LGR5: variants seen among roughly 807,000 people sequenced by gnomAD.
The protein encoded by LGR5 is leucine rich repeat containing G protein-coupled receptor 5, also known as leucine-rich repeat-containing G protein-coupled receptor 5.
Under a neutral mutation model 76.7 loss-of-function variants are expected in LGR5, and 54 were observed. The ratio of observed to expected loss-of-function variants is 0.70; its 90% CI spans 0.57 to 0.88. The LOEUF (loss-of-function observed/expected upper bound fraction) is 0.88, where lower values mean the gene tolerates loss of function less well. LGR5 is among the 40% of genes least tolerant of loss of function. The probability of loss-of-function intolerance (pLI) is 0.00; values close to 1 mark genes in which losing one functional copy is unlikely to be tolerated. For synonymous variants in LGR5, 406 were observed against 421.9 expected, an observed-to-expected ratio of 0.96 and a Z score of 0.46; for missense variants, 1,078 against 1,073.3, an observed-to-expected ratio of 1.00 and a Z score of -0.06.
intron 1 of LGR5, among the ~76,000 whole-genome samples, chr12:71,480,416 G>A (rs779754862): frequency 9.9e-5 from 15 of 151,498 alleles, no homozygotes; most frequent in African/African-American, 2.7e-4. Flanking sequence ...CAGGCAGGCC[G>A]GGAGGTGTGA....
At chr12:71,541,018 G>A (rs1028168695) in intron 4 of LGR5, among the ~76,000 whole-genome samples, 3 of 152,140 alleles carry the variant, frequency 2.0e-5, no homozygotes, top group Non-Finnish European at 2.9e-5. Context: ...TACGTATTGG[G>A]ATGGAGGTGA....
At chr12:71,547,368 C>T (rs573664183) in intron 4 of LGR5, among the ~76,000 whole-genome samples, 1 of 152,032 alleles carries the variant, frequency 6.6e-6, no homozygotes, top group Non-Finnish European at 1.5e-5. Context: ...AAACACCAGC[C>T]CATATGGCAA....
intron 16 of LGR5, among the ~76,000 whole-genome samples, chr12:71,581,027 C>T (rs148862402): frequency 8.5e-5 from 13 of 152,318 alleles, no homozygotes; most frequent in African/African-American, 3.1e-4. Context: ...GGGGTGATTA[C>T]TGACATGATG....
chr12:71,524,378 T>C (rs112446551), intron 2 of LGR5, 28 bp from the exon 3 acceptor site: 2 of 1,549,150 alleles, frequency 1.3e-6, no homozygotes, highest in Non-Finnish European at 8.9e-7. Context: ...GTATGCTCAC[T>C]CTCTCTCCTC....
intron 4 of LGR5, among the ~76,000 whole-genome samples, chr12:71,551,431 C>A (rs1877478835): frequency 6.6e-6 from 1 of 152,192 alleles, no homozygotes; most frequent in African/African-American, 2.4e-5. Flanking sequence ...AAACATTTTT[C>A]AAAATCCACT....
intron 11 of LGR5, among the ~76,000 whole-genome samples, chr12:71,568,126 A>G (rs1034902554): frequency 6.6e-6 from 1 of 152,178 alleles, no homozygotes; most frequent in Non-Finnish European, 1.5e-5. Flanking sequence ...TACTGGAGCT[A>G]GTAAGTAAGG....
intron 11 of LGR5, chr12:71,567,264 G>T: frequency 4.1e-6 from 1 of 244,682 alleles, no homozygotes; most frequent in Non-Finnish European, 8.1e-6. Context: ...CACCCAATAT[G>T]GATGCCAAAA....
rs758253482 is a variant in LGR5, at chr12:71,584,655, C to T, written c.2645C>T (p.Pro882Leu). 3.5e-5 allele frequency: 56 copies of T among 1,614,068 alleles called. No homozygotes were observed. The highest frequency in any genetic ancestry group is 1.6e-4 in the Middle Eastern group (1 of 6,084). The change falls in exon 18 of 18, where the codon CCC (proline) becomes CTC (leucine). Residue 882 changes from proline to leucine, a missense_variant. Coordinates refer to ENST00000266674, the MANE Select transcript of LGR5 (RefSeq NM_003667.4). ...TSSSITYDLP[P>L]SSVPSPAYPV... ...TCCAGCATCACTTATGACCTGCCTCCCAGTTCCGTGCCATCACCAGCTTAT... is the reference window on the plus strand; with the variant it reads ...TCCAGCATCACTTATGACCTGCCTCTCAGTTCCGTGCCATCACCAGCTTAT...
At chr12:71,580,532 A>T in intron 16 of LGR5, 109 bp downstream of exon 16, 2 of 1,142,744 alleles carry the variant, frequency 1.8e-6, no homozygotes, top group Non-Finnish European at 2.5e-6. Context: ...GTGGTGGCAC[A>T]CACCTGTAAT....
intron 4 of LGR5, among the ~76,000 whole-genome samples, chr12:71,546,044 G>T (rs996804974): frequency 6.6e-6 from 1 of 152,000 alleles, no homozygotes; most frequent in Admixed American, 6.6e-5. Flanking sequence ...GAACATAAAA[G>T]ATTAATTGTT....
rs552736723 is a variant in LGR5, at chr12:71,583,979, C to G, written c.1969C>G (p.Leu657Val). 1 of 1,614,204 alleles carries G rather than the reference C, an allele frequency of 6.2e-7. No homozygotes were observed. The highest frequency in any genetic ancestry group is 1.1e-5 in the South Asian group (1 of 91,084). The change falls in exon 18 of 18, where the codon CTG becomes GTG. Residue 657 changes from leucine (L) to valine (V), a missense_variant. Transcript: ENST00000266674. Reference sequence around the variant, plus strand: ...AGAATCATCTGTTTTCCTGCTTACTCTGGCAGCCCTGGAGCGTGGGTTCTC... The same window carrying G: ...AGAATCATCTGTTTTCCTGCTTACTGTGGCAGCCCTGGAGCGTGGGTTCTC... ...ASESSVFLLT[L>V]AALERGFSVK...
chr12:71,503,297 G>A (rs1407550861), intron 1 of LGR5, among the ~76,000 whole-genome samples: 1 of 152,152 alleles, frequency 6.6e-6, no homozygotes, highest in East Asian at 1.9e-4. Context: ...TTTGGAATAT[G>A]GACAATGCAA....
intron 1 of LGR5, among the ~76,000 whole-genome samples, chr12:71,489,612 G>A (rs12810573): frequency 0.11 from 17,088 of 152,126 alleles, 1,088 homozygotes; most frequent in African/African-American, 0.16. Context: ...TTCAGTTTTA[G>A]TAATAGCAAC....
intron 1 of LGR5, among the ~76,000 whole-genome samples, chr12:71,477,114 G>A (rs571355711): frequency 6.6e-6 from 1 of 152,260 alleles, no homozygotes; most frequent in Admixed American, 6.6e-5. Flanking sequence ...ACCCTAAAAA[G>A]GGAAGGTCAG....
At chr12:71,505,677 G>A (rs767170465) in intron 2 of LGR5, among the ~76,000 whole-genome samples, 9 of 152,062 alleles carry the variant, frequency 5.9e-5, no homozygotes, top group Non-Finnish European at 1.2e-4. Context: ...GAGAATAAGA[G>A]GATAACATTT....
intron 4 of LGR5, among the ~76,000 whole-genome samples, chr12:71,544,599 A>G (rs1877059485): frequency 1.3e-5 from 2 of 150,776 alleles, no homozygotes; most frequent in Non-Finnish European, 3.0e-5. Flanking sequence ...GAATTAATAT[A>G]AATCAATATG....
At chr12:71,494,092 T>C (rs7316708) in intron 1 of LGR5, among the ~76,000 whole-genome samples, 121,283 of 149,796 alleles carry the variant, frequency 0.81, 49,639 homozygotes, top group African/African-American at 0.9. Flanking sequence ...TACAGGCACC[T>C]GCCACCATGC....
intron 2 of LGR5, among the ~76,000 whole-genome samples, chr12:71,517,025 C>G (rs569282454): frequency 6.6e-6 from 1 of 150,786 alleles, no homozygotes; most frequent in African/African-American, 2.4e-5. Context: ...AAACTTCTGA[C>G]CAAATGTTAT....
At chr12:71,511,536 C>A (rs1875156316) in intron 2 of LGR5, among the ~76,000 whole-genome samples, 1 of 152,110 alleles carries the variant, frequency 6.6e-6, no homozygotes, top group Admixed American at 6.5e-5. Context: ...GCTTGTAAAA[C>A]CACGCATCTC....
Sources: allele counts gnomAD v4.1 joint callset (sites outside exome capture counted in the v4.1 genomes callset), GRCh38; gene constraint gnomAD v4.1.1; transcripts MANE v1.5; gene names NCBI Gene and HGNC (gene_info 2026-07-23, HGNC 2026-07-21).